NLGN4X: variants seen among roughly 807,000 people sequenced by gnomAD.
The protein encoded by NLGN4X is neuroligin 4 X-linked, also known as neuroligin-4, X-linked.
In NLGN4X, 3 loss-of-function variants were observed where a neutral mutation model predicts 40.3. The ratio of observed to expected loss-of-function variants is 0.07; its 90% CI spans 0.03 to 0.19. The LOEUF is 0.19. NLGN4X is among the 10% of genes least tolerant of loss of function. The pLI is 1.00. For missense variants in NLGN4X, 382 were observed against 708.3 expected (o/e 0.54, Z 5.23); for synonymous variants, 270 against 306.8 (o/e 0.88, Z 1.25).
intron 1 of NLGN4X, among the ~76,000 whole-genome samples, chrX:6,168,085 C>T (rs1398025755): frequency 8.9e-6 from 1 of 112,216 alleles, no homozygotes; most frequent in African/African-American, 3.2e-5. Flanking sequence ...TTCTTTCACT[C>T]CGGCCTATTC....
At chrX:6,079,967 T>C (rs1448632106) in intron 2 of NLGN4X, among the ~76,000 whole-genome samples, 1 of 111,143 alleles carries the variant, frequency 9.0e-6, no homozygotes, top group Non-Finnish European at 1.9e-5. Flanking sequence ...CCATCTTCTC[T>C]GTGAAAATGC....
intron 3 of NLGN4X, among the ~76,000 whole-genome samples, chrX:5,942,498 A>G (rs1454795819): frequency 1.8e-5 from 2 of 110,597 alleles, no homozygotes; most frequent in African/African-American, 6.6e-5. Flanking sequence ...CCTGGCCAAC[A>G]TGGCGAAACC....
chrX:5,903,457 G>A lies in NLGN4X; in HGVS notation c.1221C>T (p.Tyr407=), dbSNP rs2032000355. The A allele has an allele frequency of 5.0e-6, 6 of 1,206,773 alleles. No individual in the cohort carries two copies. The highest frequency in any genetic ancestry group is 4.4e-5 in the Admixed American group (2 of 45,657). The change falls in exon 5 of 6, where the codon TAC becomes TAT. Residue 407 remains tyrosine, a synonymous_variant. Transcript: ENST00000381095. Reference sequence around the variant, plus strand: ...AAGTGTCTTTCCCTTCAGGGTAGCCGTAAAGGTTGTCCACGAAGTTGGACA... The same window carrying A: ...AAGTGTCTTTCCCTTCAGGGTAGCCATAAAGGTTGTCCACGAAGTTGGACA... ...FSVSNFVDNL[Y]GYPEGKDTLR...
chrX:5,903,979 A>G lies in NLGN4X; in HGVS notation c.812-113T>C, dbSNP rs547440928. 37 of 937,548 alleles carry G rather than the reference A, an allele frequency of 3.9e-5. No homozygotes were observed. The South Asian group carries it at 7.5e-4, about 19-fold the overall frequency. The allele number at this position is 937,548 out of a possible 1,213,427, so 77.3% of individuals were successfully genotyped here. A position where few individuals can be genotyped will look rare whatever the true frequency, so the allele number is the denominator to read the frequency against. On this transcript the variant is annotated intron_variant, in intron 4 of 5. Coordinates refer to ENST00000381095, the MANE Select transcript of NLGN4X (RefSeq NM_181332.3). The stretch of plus-strand genomic sequence containing the variant: ...CTCAGGCATGTGAGTTTCTGGATGT[A>G]GTAGCATTCAGCTCTGTCAGGGGCC...
intron 2 of NLGN4X, among the ~76,000 whole-genome samples, chrX:6,142,208 T>C (rs1286697336): frequency 1.8e-5 from 2 of 112,557 alleles, no homozygotes; most frequent in African/African-American, 6.4e-5. Flanking sequence ...AAAATGTTCT[T>C]TGTTAGGAAA....
chrX:6,161,494 A>T (rs1348223973), intron 1 of NLGN4X, among the ~76,000 whole-genome samples: 1 of 103,205 alleles, frequency 9.7e-6, no homozygotes, highest in South Asian at 4.0e-4. Flanking sequence ...ATTATTCTAT[A>T]TACATAGAAT....
At chrX:6,063,705 T>A (rs1241858712) in intron 2 of NLGN4X, among the ~76,000 whole-genome samples, 2 of 112,453 alleles carry the variant, frequency 1.8e-5, no homozygotes, top group Non-Finnish European at 3.8e-5. Context: ...TTTAGAATTA[T>A]ATAAGACTAT....
chrX:6,182,579 C>T (rs978781978), intron 1 of NLGN4X, among the ~76,000 whole-genome samples: 4 of 111,625 alleles, frequency 3.6e-5, no homozygotes, highest in African/African-American at 1.3e-4. Context: ...TGACCTTTCA[C>T]GGCAAAGGGA....
At chrX:6,058,162 G>GCACA (rs780169986) in intron 2 of NLGN4X, among the ~76,000 whole-genome samples, 9,552 of 108,503 alleles carry the variant, frequency 0.088, 413 homozygotes, top group Non-Finnish European at 0.13. Context: ...GTGTATACAT[G>GCACA]CACACACACA....
intron 2 of NLGN4X, among the ~76,000 whole-genome samples, chrX:6,108,105 G>A (rs2039070116): frequency 8.9e-6 from 1 of 111,734 alleles, no homozygotes; most frequent in African/African-American, 3.3e-5. Context: ...GCTTTGAGTG[G>A]AATCTGGGCT....
intron 2 of NLGN4X, among the ~76,000 whole-genome samples, chrX:6,079,403 A>G (rs2038289467): frequency 8.9e-6 from 1 of 112,672 alleles, no homozygotes; most frequent in Non-Finnish European, 1.9e-5. Context: ...AGTCTTGCCT[A>G]TGTTTCTTGC....
intron 3 of NLGN4X, among the ~76,000 whole-genome samples, chrX:5,942,232 G>A (rs2033970548): frequency 9.1e-6 from 1 of 110,003 alleles, no homozygotes; most frequent in Non-Finnish European, 1.9e-5. Context: ...TTCAAGACTG[G>A]GCGACAGAGT....
At chrX:6,035,653 G>A (rs1416582499) in intron 2 of NLGN4X, among the ~76,000 whole-genome samples, 1 of 110,851 alleles carries the variant, frequency 9.0e-6, no homozygotes, top group Non-Finnish European at 1.9e-5. Context: ...TATAATTGAC[G>A]CTTGAACAAC....
intron 2 of NLGN4X, among the ~76,000 whole-genome samples, chrX:6,050,069 T>G (rs1232674914): frequency 8.9e-6 from 1 of 111,874 alleles, no homozygotes; most frequent in African/African-American, 3.3e-5. Flanking sequence ...TTCTCCCACT[T>G]CAGAGCCACA....
chrX:5,981,814 T>C (rs2147067923), intron 3 of NLGN4X, among the ~76,000 whole-genome samples: 1 of 111,072 alleles, frequency 9.0e-6, no homozygotes, highest in Non-Finnish European at 1.9e-5. Context: ...ATACATTGTG[T>C]CTTATTTATT....
intron 1 of NLGN4X, chrX:6,186,803 G>A (rs1922052599): frequency 1.8e-5 from 2 of 111,711 alleles, no homozygotes; most frequent in Non-Finnish European, 3.8e-5. Flanking sequence ...AGAATTGATG[G>A]TTTTTAATAA....
At chrX:6,041,763 T>C (rs1393664595) in intron 2 of NLGN4X, among the ~76,000 whole-genome samples, 1 of 112,687 alleles carries the variant, frequency 8.9e-6, no homozygotes, top group Non-Finnish European at 1.9e-5. Context: ...ATTCAGCACA[T>C]ATAATATAAG....
At chrX:5,942,035 T>C (rs921208950) in intron 3 of NLGN4X, among the ~76,000 whole-genome samples, 18 of 110,711 alleles carry the variant, frequency 1.6e-4, no homozygotes, top group African/African-American at 5.6e-4. Context: ...GTGGGAGAAC[T>C]GCTTGAGCCT....
intron 1 of NLGN4X, among the ~76,000 whole-genome samples, chrX:6,201,083 C>T (rs778777577): frequency 1.4e-4 from 16 of 111,347 alleles, no homozygotes; most frequent in Non-Finnish European, 2.6e-4. Flanking sequence ...AGACACAAGA[C>T]GTCAACTACT....
Sources: allele counts gnomAD v4.1 joint callset (sites outside exome capture counted in the v4.1 genomes callset), GRCh38; gene constraint gnomAD v4.1.1; transcripts MANE v1.5; gene names NCBI Gene and HGNC (gene_info 2026-07-23, HGNC 2026-07-21).